Variants in CCNB1 observed in about 807,000 individuals in gnomAD.
CCNB1 encodes the protein G2/mitotic-specific cyclin-B1.
A neutral mutation model predicts 44.4 loss-of-function variants in CCNB1; 26 were observed. The ratio of observed to expected loss-of-function variants is 0.59; its 90% CI spans 0.43 to 0.81. CCNB1 has a LOEUF of 0.81. Among genes scored for constraint, CCNB1 ranks in the 40% least tolerant of loss-of-function variants. CCNB1 has a pLI of 0.00. For synonymous variants in CCNB1, 195 were observed against 181.4 expected (o/e 1.08, Z -0.60); for missense variants, 477 against 520.9 (o/e 0.92, Z 0.82).
At chr5:69,170,555 AAATT>A (rs1461685935) in intron 3 of CCNB1, among the ~76,000 whole-genome samples, 1 of 152,204 alleles carries the variant, frequency 6.6e-6, no homozygotes, top group African/African-American at 2.4e-5. Context: ...TTGCTGATAA[AAATT>A]AATTACTTCT....
rs779859148 is a variant in CCNB1 at position 69,174,889 on chromosome 5, C to G, written c.718C>G (p.Pro240Ala). 1.9e-6 allele frequency: 3 copies of G among 1,613,486 alleles called. No individual in the cohort carries two copies. Among genetic ancestry groups the G allele is most frequent in the Admixed American group, 3.3e-5 (2 of 59,986 alleles). The change falls in exon 6 of 9, where the codon CCC (proline) becomes GCC (alanine). Residue 240 changes from proline to alanine, a missense_variant. Physicochemically the swap from Pro to Ala is conservative, Grantham distance 27. Coordinates refer to ENST00000256442, the MANE Select transcript of CCNB1 (RefSeq NM_031966.4). ...ATTCCCATTGCAGAATAATTGTGTG[C>G]CCAAGAAGATGCTGCAGCTGGTTGG... ...IDRFMQNNCV[P>A]KKMLQLVGVT...
chr5:69,170,118 C>T (rs190181033), intron 3 of CCNB1, among the ~76,000 whole-genome samples: 1 of 151,786 alleles, frequency 6.6e-6, no homozygotes, highest in African/African-American at 2.4e-5. Context: ...TGCCAGCCAC[C>T]ACACCCAGCT....
At position 69,174,422 on chromosome 5, in the gene CCNB1, G is replaced by A. The variant is rs1561314707; in HGVS notation, c.705+13G>A. 6.2e-7 allele frequency: 1 copy of A among 1,611,968 alleles called. No homozygotes were observed. Among genetic ancestry groups the A allele is most frequent in the African/African-American group, 1.3e-5 (1 of 74,986 alleles). ...TCGGTTCATGCAGGTGAGCATTTCA[G>A]TAAGAGTTTTCCCTTCCAGGATTCT... On this transcript the variant is annotated intron_variant, in intron 5 of 8. Coordinates refer to ENST00000256442, the MANE Select transcript of CCNB1 (RefSeq NM_031966.4).
chr5:69,167,297 G>A lies in CCNB1; in HGVS notation c.21+14G>A, dbSNP rs202186533. 9 of 1,599,826 alleles carry A rather than the reference G, an allele frequency of 5.6e-6. No individual in the cohort carries two copies. The highest frequency in any genetic ancestry group is 1.3e-5 in the African/African-American group (1 of 74,628). ...CGAGTCACCAGGGTGAGCCGCTTCG[G>A]ACTGCGAACTAACGCGGCCTTCTTA... is the stretch of plus-strand genomic sequence containing the variant. On this transcript the variant is annotated intron_variant, in intron 1 of 8. Transcript: ENST00000256442.
At chr5:69,171,208 T>G in intron 3 of CCNB1, 62 bp from the exon 4 acceptor site, 1 of 1,323,962 alleles carries the variant, frequency 7.6e-7, no homozygotes, top group East Asian at 2.3e-5. Flanking sequence ...TAACCTGAAC[T>G]TCATGCCCAA....
At position 69,167,330 on chromosome 5, in the gene CCNB1, C is replaced by T. The variant is rs113923469; in HGVS notation, c.21+47C>T. On this transcript the variant is annotated intron_variant, in intron 1 of 8. Coordinates refer to ENST00000256442, the MANE Select transcript of CCNB1 (RefSeq NM_031966.4). ...ACTAACGCGGCCTTCTTAGCTGCTGCCTGCTCTCCCTGCCTCGCCTGCGGG... is the reference window on the plus strand; with the variant it reads ...ACTAACGCGGCCTTCTTAGCTGCTGTCTGCTCTCCCTGCCTCGCCTGCGGG... 21 of 1,596,716 alleles carry T rather than the reference C, an allele frequency of 1.3e-5. 1 individual carries two copies. Among genetic ancestry groups the T allele is most frequent in the African/African-American group, 6.7e-5 (5 of 74,740 alleles).
chr5:69,177,196 C>A, intron 7 of CCNB1, 43 bp from the exon 8 acceptor site: 2 of 1,097,634 alleles, frequency 1.8e-6, no homozygotes, highest in South Asian at 2.6e-5. Flanking sequence ...TTATGAAAAT[C>A]ATTATTGATT....
chr5:69,174,184 T>A lies in CCNB1; in HGVS notation c.547-67T>A, dbSNP rs1024627497. The A allele has an allele frequency of 1.2e-5, 17 of 1,432,314 alleles. No homozygotes were observed. In the African/African-American group the frequency reaches 2.4e-4, roughly 20 times the overall value. The allele number at this position is 1,432,314 out of a possible 1,614,324, so 88.7% of individuals were successfully genotyped here. A position where few individuals can be genotyped will look rare whatever the true frequency, so the allele number is the denominator to read the frequency against. ...CAGTGCTACTGTAGGAACTAACTGA[T>A]CTTTCTGGACATAAATGTGTCACAT... On this transcript the variant is annotated intron_variant, in intron 4 of 8. Coordinates refer to ENST00000256442, the MANE Select transcript of CCNB1 (RefSeq NM_031966.4).
At chr5:69,173,019 C>CAAAGT (rs1315495805) in intron 4 of CCNB1, among the ~76,000 whole-genome samples, 1 of 152,036 alleles carries the variant, frequency 6.6e-6, no homozygotes, top group Non-Finnish European at 1.5e-5. Context: ...ATGATCCACC[C>CAAAGT]GCCTTGGCCT....
At chr5:69,174,476 A>G in intron 5 of CCNB1, 67 bp downstream of exon 5, 1 of 1,510,392 alleles carries the variant, frequency 6.6e-7, no homozygotes, top group South Asian at 1.2e-5. Flanking sequence ...TGATGTTTTC[A>G]GGCCAGTCTG....
intron 7 of CCNB1, among the ~76,000 whole-genome samples, chr5:69,176,366 T>G (rs1747589227): frequency 6.6e-6 from 1 of 151,476 alleles, no homozygotes; most frequent in African/African-American, 2.4e-5. Flanking sequence ...GGTCTTTTTT[T>G]GTTTTTTCGA....
chr5:69,169,960 TTTTG>T (rs1418397029), intron 3 of CCNB1, among the ~76,000 whole-genome samples: 3 of 142,966 alleles, frequency 2.1e-5, no homozygotes, highest in South Asian at 2.2e-4. Context: ...TTAGTCTTAT[TTTTG>T]TTTATTTTTT....
Position 69,168,176 on chromosome 5 carries a change from G to C in CCNB1, c.196G>C (p.Ala66Pro), listed in dbSNP as rs773343741. The change falls in exon 3 of 9, where the codon GCA becomes CCA. Residue 66 changes from alanine (A) to proline (P), a missense_variant. Coordinates refer to ENST00000256442, the MANE Select transcript of CCNB1 (RefSeq NM_031966.4). Reference sequence around the variant, plus strand: ...ATTCTCTCTGTTTCATCTACAGGAAGCAAAACCTTCAGCTACTGGAAAAGT... The same window carrying C: ...ATTCTCTCTGTTTCATCTACAGGAACCAAAACCTTCAGCTACTGGAAAAGT... ...LQAKMPMKKE[A>P]KPSATGKVID... The C allele has an allele frequency of 3.1e-6, 5 of 1,614,060 alleles. No homozygotes were observed. Among genetic ancestry groups the C allele is most frequent in the Non-Finnish European group, 3.4e-6 (4 of 1,179,992 alleles).
In CCNB1 at chr5:69,174,399, G is replaced by C. The variant is rs756050029; in HGVS notation, c.695G>C (p.Arg232Pro). 6.2e-7 allele frequency: 1 copy of C among 1,613,230 alleles called. No individual in the cohort carries two copies. The highest frequency in any genetic ancestry group is 8.5e-7 in the Non-Finnish European group (1 of 1,179,778). Residue 232 changes from arginine (R) to proline (P), a missense_variant, in exon 5 of 9, where the codon CGG (arginine) becomes CCG (proline). By Grantham distance (103) the Arg-to-Pro change is moderately radical (BLOSUM62 -2). Coordinates refer to ENST00000256442, the MANE Select transcript of CCNB1 (RefSeq NM_031966.4). Reference protein sequence around the residue: ...TMYMTVSIIDRFMQNNCVPKK... With the variant: ...TMYMTVSIIDPFMQNNCVPKK... ...TACATGACTGTCTCCATTATTGATC[G>C]GTTCATGCAGGTGAGCATTTCAGTA...
At chr5:69,171,548 A>T in intron 4 of CCNB1, 96 bp downstream of exon 4, 1 of 869,296 alleles carries the variant, frequency 1.2e-6, no homozygotes, top group Non-Finnish European at 1.7e-6. Context: ...GGACGTGGGC[A>T]GCATTTCTTA....
chr5:69,170,652 T>A (rs960657124), intron 3 of CCNB1, among the ~76,000 whole-genome samples: 3 of 151,870 alleles, frequency 2.0e-5, no homozygotes, highest in Non-Finnish European at 2.9e-5. Context: ...GGCATTTCAC[T>A]GTTTTTTTTT....
At chr5:69,168,584 C>T (rs1747392441) in intron 3 of CCNB1, among the ~76,000 whole-genome samples, 1 of 152,184 alleles carries the variant, frequency 6.6e-6, no homozygotes, top group African/African-American at 2.4e-5. Context: ...GTCAGGGTCA[C>T]ACAGGTAAGT....
chr5:69,175,275 T>C, intron 6 of CCNB1, 122 bp from the exon 7 acceptor site: 2 of 1,059,328 alleles, frequency 1.9e-6, no homozygotes, highest in Non-Finnish European at 2.8e-6. Flanking sequence ...ATATTAGGAC[T>C]TTCCATGGGC....
rs1270101396 is a variant in CCNB1 at position 69,171,458 on chromosome 5, TA to T, written c.546+7del. On this transcript the variant is annotated splice_region_variant and intron_variant, in intron 4 of 8. Transcript: ENST00000256442. Reference sequence around the variant, plus strand: ...CTTATCTGAGACAACTTGAGGTAAGTATTATCATTCGTTTTTTTTCTAAACT... The same window carrying T: ...CTTATCTGAGACAACTTGAGGTAAGTTTATCATTCGTTTTTTTTCTAAACT... 3.8e-6 allele frequency: 6 copies of T among 1,574,738 alleles called. No homozygotes were observed. The highest frequency in any genetic ancestry group is 8.6e-7 in the Non-Finnish European group (1 of 1,161,622).
Sources: gnomAD v4.1 joint callset for allele counts (sites outside exome capture counted in the v4.1 genomes callset) on GRCh38, gnomAD v4.1.1 for gene constraint, MANE v1.5 for transcripts, NCBI Gene and HGNC (gene_info 2026-07-23, HGNC 2026-07-21) for gene names.